DAPK1: variants seen among roughly 807,000 people sequenced by gnomAD.
DAPK1 encodes the protein death associated protein kinase 1, also known as death-associated protein kinase 1.
DAPK1 carries 56 observed loss-of-function variants against 144.9 expected under a neutral mutation model. The observed-to-expected ratio is 0.39, with a 90% CI of 0.31 to 0.48. The LOEUF is 0.48. Among genes scored for constraint, DAPK1 ranks in the 20% least tolerant of loss-of-function variants. The pLI, the probability that DAPK1 is intolerant of heterozygous loss-of-function variation, is 0.95. For synonymous variants in DAPK1, 690 were observed against 749.0 expected (o/e 0.92, Z 1.29); for missense variants, 1,454 against 1,875.4 (o/e 0.78, Z 4.15).
At position 87,668,609 on chromosome 9, in the gene DAPK1, G is replaced by T; in HGVS notation, c.1936G>T (p.Ala646Ser). The T allele has an allele frequency of 7.0e-7, 1 of 1,434,998 alleles. No individual in the cohort carries two copies. Among genetic ancestry groups the T allele is most frequent in the Non-Finnish European group, 9.8e-7 (1 of 1,016,328 alleles). The allele number at this position is 1,434,998 out of a possible 1,614,324, so 88.9% of individuals were successfully genotyped here. A position where few individuals can be genotyped will look rare whatever the true frequency, so the allele number is the denominator to read the frequency against. ...VEALTTDGKT[A>S]EDLARSEQHE... ...TTTTCTCCAACAGGACGGAAAGACG[G>T]CAGAAGATCTTGCTAGATCGGAACA... Residue 646 changes from alanine to serine, a missense_variant, in exon 19 of 26, where the codon GCA becomes TCA. This residue lies in a region of DAPK1 where 1,025 missense variants were observed against 1,237.9 expected (regional missense o/e 0.83). Transcript: ENST00000408954.
intron 2 of DAPK1, among the ~76,000 whole-genome samples, chr9:87,523,120 T>A (rs1825362771): frequency 6.6e-6 from 1 of 152,244 alleles, no homozygotes; most frequent in Admixed American, 6.5e-5. Flanking sequence ...TAACTATTTT[T>A]AAGTGCACAT....
At chr9:87,660,790 A>G (rs575626142) in intron 18 of DAPK1, among the ~76,000 whole-genome samples, 1 of 151,888 alleles carries the variant, frequency 6.6e-6, no homozygotes. Context: ...ATTTCCATCC[A>G]TGTTGCTACA....
chr9:87,606,713 C>T (rs1247884416), intron 3 of DAPK1, among the ~76,000 whole-genome samples: 4 of 119,656 alleles, frequency 3.3e-5, no homozygotes, highest in African/African-American at 1.3e-4. Flanking sequence ...CTTCCTTCCT[C>T]CCTCTCTCTC....
At chr9:87,624,499 C>A (rs951551450) in intron 3 of DAPK1, among the ~76,000 whole-genome samples, 1 of 152,206 alleles carries the variant, frequency 6.6e-6, no homozygotes, top group South Asian at 2.1e-4. Context: ...ACAGAACTTG[C>A]TCAGATTCAA....
At position 87,686,930 on chromosome 9, in the gene DAPK1, TG is replaced by T; in HGVS notation, c.2413+195del. The T allele has an allele frequency of 2.3e-6, 2 of 881,686 alleles. No homozygotes were observed. Among genetic ancestry groups the T allele is most frequent in the Non-Finnish European group, 2.7e-6 (2 of 735,288 alleles). The allele number at this position is 881,686 out of a possible 1,614,324, so 54.6% of individuals were successfully genotyped here. A position where few individuals can be genotyped will look rare whatever the true frequency, so the allele number is the denominator to read the frequency against. ...ATCCCTAAACAGTGAAATTAAACAC[TG>T]GGGTATTGTCAGCGCCTAGTAAAGC... On this transcript the variant is annotated intron_variant, in intron 21 of 25. Coordinates refer to ENST00000408954, the MANE Select transcript of DAPK1 (RefSeq NM_004938.4). The surrounding 1 kb of genome is among the most constrained non-coding windows in gnomAD (Gnocchi z 4.2).
chr9:87,673,581 A>G (rs572857293), intron 19 of DAPK1, among the ~76,000 whole-genome samples: 1 of 152,286 alleles, frequency 6.6e-6, no homozygotes, highest in South Asian at 2.1e-4. Context: ...GGCCAAGGCT[A>G]CAGCTCTTGG....
intron 2 of DAPK1, among the ~76,000 whole-genome samples, chr9:87,600,803 G>C (rs543156139): frequency 6.8e-6 from 1 of 146,952 alleles, no homozygotes; most frequent in South Asian, 2.1e-4. Flanking sequence ...CCGTATCGTT[G>C]TTAATTACTG....
At chr9:87,655,560 CT>C (rs1255533405) in intron 17 of DAPK1, among the ~76,000 whole-genome samples, 1 of 152,154 alleles carries the variant, frequency 6.6e-6, no homozygotes, top group African/African-American at 2.4e-5. Context: ...TTGCCTTTTC[CT>C]TATCTGAATT....
At chr9:87,583,234 C>T (rs1231802951) in intron 2 of DAPK1, among the ~76,000 whole-genome samples, 1 of 151,942 alleles carries the variant, frequency 6.6e-6, no homozygotes, top group Non-Finnish European at 1.5e-5. Context: ...TTGAGAAAAA[C>T]CCCCTCCCAT....
At position 87,700,354 on chromosome 9, in the gene DAPK1, T is replaced by C. The variant is rs552832073; in HGVS notation, c.2871+117T>C. On this transcript the variant is annotated intron_variant, in intron 24 of 25. Coordinates refer to ENST00000408954, the MANE Select transcript of DAPK1 (RefSeq NM_004938.4). ...TAAGAGGTGTCTGCCTGGACATGTC[T>C]TTATCCTAGTGCCCTGGGAAAAGAA... 11 of 745,002 alleles carry C rather than the reference T, an allele frequency of 1.5e-5. No individual in the cohort carries two copies. In the East Asian group the frequency reaches 2.5e-4, roughly 17 times the overall value. The allele number at this position is 745,002 out of a possible 1,614,324, so 46.1% of individuals were successfully genotyped here. A position where few individuals can be genotyped will look rare whatever the true frequency, so the allele number is the denominator to read the frequency against.
chr9:87,613,454 G>A (rs1029229415), intron 3 of DAPK1, among the ~76,000 whole-genome samples: 1 of 152,176 alleles, frequency 6.6e-6, no homozygotes, highest in African/African-American at 2.4e-5. Flanking sequence ...AAACATTTGT[G>A]CAATATTAGG....
Position 87,703,210 on chromosome 9 carries a change from C to T in DAPK1, c.3053C>T (p.Thr1018Ile). The T allele has an allele frequency of 6.2e-7, 1 of 1,605,722 alleles. No homozygotes were observed. The change falls in exon 25 of 26, where the codon ACA becomes ATA. Residue 1018 changes from threonine to isoleucine, a missense_variant. Transcript: ENST00000408954. ...LRRIAQQLHS[T>I]GEINIMQSET... The stretch of plus-strand genomic sequence containing the variant: ...CGCATTGCTCAGCAGCTCCACAGCA[C>T]AGGCGAGGTGAGCCCCTGGGAGCCC...
chr9:87,519,411 C>T (rs529635411), intron 2 of DAPK1, among the ~76,000 whole-genome samples: 4 of 152,156 alleles, frequency 2.6e-5, no homozygotes, highest in Non-Finnish European at 5.9e-5. Context: ...AATTGTATTG[C>T]CCCGGTGCTC....
intron 2 of DAPK1, among the ~76,000 whole-genome samples, chr9:87,506,348 G>A (rs1022629291): frequency 1.3e-5 from 2 of 152,220 alleles, no homozygotes; most frequent in African/African-American, 4.8e-5. Flanking sequence ...TGCCCTTTGA[G>A]CTCAGAACTT....
chr9:87,634,660 C>A (rs1193868128), intron 3 of DAPK1, among the ~76,000 whole-genome samples: 1 of 152,186 alleles, frequency 6.6e-6, no homozygotes, highest in Non-Finnish European at 1.5e-5. Context: ...TGCTGTCAGA[C>A]CGTCTTCGGA....
chr9:87,513,175 A>G (rs1824914879), intron 2 of DAPK1, among the ~76,000 whole-genome samples: 1 of 152,234 alleles, frequency 6.6e-6, no homozygotes, highest in Non-Finnish European at 1.5e-5. Context: ...CTGTCATTTG[A>G]ACCGTAATAT....
intron 2 of DAPK1, among the ~76,000 whole-genome samples, chr9:87,540,378 A>T (rs911816067): frequency 6.6e-6 from 1 of 151,756 alleles, no homozygotes; most frequent in Non-Finnish European, 1.5e-5. Flanking sequence ...TTTAGTAGAG[A>T]TGCCGTTTTG....
intron 2 of DAPK1, among the ~76,000 whole-genome samples, chr9:87,511,295 T>C (rs916873085): frequency 6.6e-6 from 1 of 152,230 alleles, no homozygotes; most frequent in Non-Finnish European, 1.5e-5. Flanking sequence ...TATGTGCTCA[T>C]TAGATGATGC....
intron 2 of DAPK1, among the ~76,000 whole-genome samples, chr9:87,597,509 C>A (rs577447847): frequency 6.6e-6 from 1 of 152,118 alleles, no homozygotes; most frequent in Non-Finnish European, 1.5e-5. Flanking sequence ...GAAATCCTGT[C>A]TTCTTGGCTT....
Sources: gnomAD v4.1 joint callset for allele counts (sites outside exome capture counted in the v4.1 genomes callset) on GRCh38, gnomAD v4.1.1 for gene constraint, gnomAD v4.1.1 regional missense constraint, Gnocchi (gnomAD v3.1) non-coding constraint, MANE v1.5 for transcripts, NCBI Gene and HGNC (gene_info 2026-07-23, HGNC 2026-07-21) for gene names.